RNLS: variants seen among roughly 807,000 people sequenced by gnomAD.
RNLS encodes renalase.
Under a neutral mutation model 39.8 loss-of-function variants are expected in RNLS, and 39 were observed. The observed-to-expected ratio is 0.98, with a 90% CI of 0.76 to 1.28. RNLS has a LOEUF of 1.28. Among genes scored for constraint, RNLS ranks in the 50% most tolerant of loss-of-function variants. The pLI is 0.00. For synonymous variants in RNLS, 147 were observed against 150.7 expected (o/e 0.98, Z 0.18); for missense variants, 410 against 413.3 (o/e 0.99, Z 0.07).
At chr10:88,486,014 T>C (rs1480357882) in intron 4 of RNLS, among the ~76,000 whole-genome samples, 1 of 152,012 alleles carries the variant, frequency 6.6e-6, no homozygotes, top group Non-Finnish European at 1.5e-5. Flanking sequence ...TTAAAAGATA[T>C]TGTTAAGGAG....
At chr10:88,282,679 A>C (rs1049070114), downstream of RNLS, among the ~76,000 whole-genome samples, 2 of 151,540 alleles carry the variant, frequency 1.3e-5, no homozygotes, top group South Asian at 4.2e-4. Flanking sequence ...CCCTCCCCCC[A>C]GTAATATCTG....
intron 4 of RNLS, among the ~76,000 whole-genome samples, chr10:88,566,891 C>A (rs1027240095): frequency 6.6e-6 from 1 of 151,718 alleles, no homozygotes; most frequent in Non-Finnish European, 1.5e-5. Flanking sequence ...AAAATGAACA[C>A]AAAACTAGTA....
At chr10:88,277,490 AAGAT>A (rs905493949) in intron 6 of RNLS, among the ~76,000 whole-genome samples, 2 of 152,220 alleles carry the variant, frequency 1.3e-5, no homozygotes, top group African/African-American at 4.8e-5. Context: ...AAGAAAAAAA[AAGAT>A]AGTCCTTTGC....
intron 4 of RNLS, among the ~76,000 whole-genome samples, chr10:88,372,218 A>C (rs1850614598): frequency 1.3e-5 from 2 of 152,114 alleles, no homozygotes; most frequent in African/African-American, 4.8e-5. Context: ...TGTTACCAGT[A>C]TTTGTGATTA....
At chr10:88,382,672 G>A (rs548969306) in intron 4 of RNLS, among the ~76,000 whole-genome samples, 1 of 152,214 alleles carries the variant, frequency 6.6e-6, no homozygotes, top group Non-Finnish European at 1.5e-5. Flanking sequence ...TGGAAGCAAT[G>A]GCAATTGTTG....
chr10:88,561,796 A>G (rs1413168233), intron 4 of RNLS, among the ~76,000 whole-genome samples: 1 of 152,184 alleles, frequency 6.6e-6, no homozygotes, highest in African/African-American at 2.4e-5. Context: ...GTAGTACTAT[A>G]TTACAAATAT....
chr10:88,286,308 C>T (rs1031832980), intron 6 of RNLS, among the ~76,000 whole-genome samples: 21 of 152,086 alleles, frequency 1.4e-4, no homozygotes, highest in African/African-American at 4.8e-4. Flanking sequence ...TGAGAGTAGA[C>T]TGACCCCAAA....
rs181319502 is a variant in RNLS at position 88,412,681 on chromosome 10, A to G, written c.527-49956T>C. 5.3e-5 allele frequency among the ~76,000 whole-genome samples: 8 copies of G among 152,278 alleles called. 1 individual carries two copies. The East Asian group carries it at 1.5e-3, about 29-fold the overall frequency. ...GAGGCTCGAGTCAGATGGCATAGGG[A>G]AGAGAAATGAATGAGAGGTGAGATG... On this transcript the variant is annotated intron_variant, in intron 4 of 6. Coordinates refer to ENST00000331772, the MANE Select transcript of RNLS (RefSeq NM_001031709.3).
chr10:88,187,311 T>G, the RNLS span, among the ~76,000 whole-genome samples: 1 of 151,088 alleles, frequency 6.6e-6, no homozygotes, highest in Admixed American at 6.6e-5. Context: ...TTGGCATTGA[T>G]CGGAGTGTGA....
At chr10:88,350,088 T>G (rs567784854) in intron 5 of RNLS, among the ~76,000 whole-genome samples, 1 of 152,232 alleles carries the variant, frequency 6.6e-6, no homozygotes, top group South Asian at 2.1e-4. Context: ...ATGATTATGG[T>G]TCTTCTTTTC....
chr10:88,385,532 CA>C (rs1195839913), intron 4 of RNLS, among the ~76,000 whole-genome samples: 1 of 152,182 alleles, frequency 6.6e-6, no homozygotes, highest in Non-Finnish European at 1.5e-5. Context: ...TCAAAAGAGT[CA>C]AATGTGTTTC....
At chr10:88,475,135 G>A (rs375078045) in intron 4 of RNLS, among the ~76,000 whole-genome samples, 1 of 152,160 alleles carries the variant, frequency 6.6e-6, no homozygotes, top group Non-Finnish European at 1.5e-5. Flanking sequence ...CAGGGCGACA[G>A]GGCAGCCCTG....
intron 6 of RNLS, among the ~76,000 whole-genome samples, chr10:88,275,224 C>T (rs1277336680): frequency 1.4e-5 from 2 of 141,596 alleles, no homozygotes; most frequent in Non-Finnish European, 3.2e-5. Context: ...CCCCATTTTA[C>T]ATTCTTTATC....
At chr10:88,193,600 T>C in the RNLS span, among the ~76,000 whole-genome samples, 3 of 152,124 alleles carry the variant, frequency 2.0e-5, no homozygotes, top group Non-Finnish European at 4.4e-5. Flanking sequence ...AAATATCACA[T>C]ATGCTTCCCT....
intron 4 of RNLS, among the ~76,000 whole-genome samples, chr10:88,386,147 G>C (rs112530530): frequency 9.2e-5 from 14 of 152,292 alleles, no homozygotes; most frequent in African/African-American, 3.4e-4. Context: ...GTCGTGCTTA[G>C]GGCCTTCCTT....
intron 4 of RNLS, among the ~76,000 whole-genome samples, chr10:88,400,608 G>T (rs1021950124): frequency 6.6e-6 from 1 of 151,864 alleles, no homozygotes; most frequent in African/African-American, 2.4e-5. Flanking sequence ...TAATCTACTA[G>T]ACCATATTTG....
rs191709428 is a variant in RNLS, at chr10:88,483,466, C to T, written c.526+89437G>A. On this transcript the variant is annotated intron_variant, in intron 4 of 6. Transcript: ENST00000331772. ...AGCCCGATAAATTTCCTAAAATCCGCTTGGCAAATTTTCTTGTTAACTGTG... is the reference window on the plus strand; with the variant it reads ...AGCCCGATAAATTTCCTAAAATCCGTTTGGCAAATTTTCTTGTTAACTGTG... 2.3e-3 allele frequency among the ~76,000 whole-genome samples: 348 copies of T among 152,200 alleles called. 1 individual carries two copies. Among genetic ancestry groups the T allele is most frequent in the African/African-American group, 7.9e-3 (330 of 41,540 alleles).
At chr10:88,286,968 A>C (rs1207807746) in intron 6 of RNLS, among the ~76,000 whole-genome samples, 1 of 151,564 alleles carries the variant, frequency 6.6e-6, no homozygotes, top group East Asian at 1.9e-4. Flanking sequence ...TTAAAAAAAA[A>C]TTTAGAGATG....
chr10:88,189,059 G>A, the RNLS span, among the ~76,000 whole-genome samples: 3 of 152,108 alleles, frequency 2.0e-5, no homozygotes, highest in African/African-American at 7.2e-5. Flanking sequence ...TTTCAAAAAT[G>A]TTCTTAGAAT....
Sources: allele counts gnomAD v4.1 joint callset (sites outside exome capture counted in the v4.1 genomes callset), GRCh38; gene constraint gnomAD v4.1.1; transcripts MANE v1.5; gene names NCBI Gene and HGNC (gene_info 2026-07-23, HGNC 2026-07-21).